PCDHGB3: variants seen among roughly 807,000 people sequenced by gnomAD.
PCDHGB3 encodes the protein protocadherin gamma-B3.
PCDHGB3 carries 40 observed loss-of-function variants against 59.2 expected under a neutral mutation model. That is an observed-to-expected ratio of 0.68 (90% CI 0.52 to 0.88). The LOEUF is 0.88. Ranked by LOEUF, PCDHGB3 falls within the 40% of genes least tolerant of loss-of-function variation. PCDHGB3 has a pLI of 0.00. For missense variants in PCDHGB3, 1,309 were observed against 1,187.9 expected, an observed-to-expected ratio of 1.10 and a Z score of -1.50; for synonymous variants, 581 against 503.6, an observed-to-expected ratio of 1.15 and a Z score of -2.06.
chr5:141,415,849 C>A (rs1453652151), intron 1 of PCDHGB3: 2 of 1,230,672 alleles, frequency 1.6e-6, no homozygotes, highest in Non-Finnish European at 2.1e-6. Flanking sequence ...CTTTGCAGAA[C>A]CTTGTAGTTT....
chr5:141,393,898 C>T lies in PCDHGB3; in HGVS notation c.2415+21089C>T, dbSNP rs182092307. On this transcript the variant is annotated intron_variant, in intron 1 of 3. Transcript: ENST00000576222. ...AGCCCAGTGTTAGAAAATTCTCTTC[C>T]CGGGACAGTAATTGCCTTCTTGAGT... The T allele has an allele frequency of 3.0e-5, 49 of 1,613,956 alleles. No individual in the cohort carries two copies. The African/African-American group carries it at 5.1e-4, about 17-fold the overall frequency.
intron 1 of PCDHGB3, chr5:141,383,358 G>C (rs773383689): frequency 8.7e-6 from 14 of 1,613,864 alleles, no homozygotes; most frequent in Middle Eastern, 1.6e-4. Context: ...TTCGGTTTCC[G>C]TTAAGCGAGG....
rs532490777 is a variant in PCDHGB3, at chr5:141,487,782, T to C, written c.2416-7025T>C. 7.2e-6 allele frequency: 11 copies of C among 1,525,744 alleles called. No homozygotes were observed. The South Asian group carries it at 1.2e-4, about 17-fold the overall frequency. The allele number at this position is 1,525,744 out of a possible 1,614,324, so 94.5% of individuals were successfully genotyped here. ...GACGCTGTGCTTTGTAACTGTTTCGTGAATTAACCAGAGTTGTCACAGTTT... is the reference window on the plus strand; with the variant it reads ...GACGCTGTGCTTTGTAACTGTTTCGCGAATTAACCAGAGTTGTCACAGTTT... On this transcript the variant is annotated intron_variant, in intron 1 of 3. Coordinates refer to ENST00000576222, the MANE Select transcript of PCDHGB3 (RefSeq NM_018924.5). This position sits in a 1 kb window ranked among gnomAD's most constrained non-coding sequence, Gnocchi z 5.0.
intron 1 of PCDHGB3, chr5:141,383,224 C>T: frequency 6.2e-7 from 1 of 1,613,968 alleles, no homozygotes; most frequent in South Asian, 1.1e-5. Flanking sequence ...CTTTAACATC[C>T]TGATGGAAGA....
chr5:141,476,551 C>G lies in PCDHGB3; in HGVS notation c.2416-18256C>G, dbSNP rs367700651. ...CCCAGGAAATGAAATTGGAGATTAG[C>G]GAGGCCGTGGCTCCGGGGACGCGCT... On this transcript the variant is annotated intron_variant, in intron 1 of 3. Transcript: ENST00000576222. The surrounding 1 kb of genome is among the most constrained non-coding windows in gnomAD (Gnocchi z 7.6). 128 of 1,614,078 alleles carry G rather than the reference C, an allele frequency of 7.9e-5. No homozygotes were observed. Among genetic ancestry groups the G allele is most frequent in the Non-Finnish European group, 1.0e-4 (122 of 1,180,034 alleles).
chr5:141,402,357 G>C (rs1486286220), intron 1 of PCDHGB3, among the ~76,000 whole-genome samples: 1 of 151,812 alleles, frequency 6.6e-6, no homozygotes, highest in Non-Finnish European at 1.5e-5. Flanking sequence ...AAAAATGAAT[G>C]TACTTCCAAA....
In PCDHGB3 at chr5:141,485,062, C is replaced by T. The variant is rs2099606141; in HGVS notation, c.2416-9745C>T. 2.3e-6 allele frequency: 2 copies of T among 876,222 alleles called. No individual in the cohort carries two copies. Among genetic ancestry groups the T allele is most frequent in the Non-Finnish European group, 3.6e-6 (2 of 552,684 alleles). 54.3% of individuals were successfully genotyped at this position (876,222 alleles called of 1,614,324 possible). ...CCTTGCGGCGCCGGCCGAACCGCGCCAGAGCTGGCGCGGGGAAAGGGAGAT... is the reference window on the plus strand; with the variant it reads ...CCTTGCGGCGCCGGCCGAACCGCGCTAGAGCTGGCGCGGGGAAAGGGAGAT... On this transcript the variant is annotated intron_variant, in intron 1 of 3. Coordinates refer to ENST00000576222, the MANE Select transcript of PCDHGB3 (RefSeq NM_018924.5). The surrounding 1 kb of genome is among the most constrained non-coding windows in gnomAD (Gnocchi z 5.7).
At chr5:141,465,880 TG>T (rs2154569018) in intron 1 of PCDHGB3, among the ~76,000 whole-genome samples, 1 of 152,096 alleles carries the variant, frequency 6.6e-6, no homozygotes, top group East Asian at 1.9e-4. Context: ...CCCAGCACTT[TG>T]GGAGGCCGAG....
At chr5:141,394,260 G>C in intron 1 of PCDHGB3, 1 of 1,613,920 alleles carries the variant, frequency 6.2e-7, no homozygotes, top group Non-Finnish European at 8.5e-7. Flanking sequence ...CGACAGCCAG[G>C]AGAATGCCCA....
Position 141,489,680 on chromosome 5 carries a change from C to T in PCDHGB3, c.2416-5127C>T, listed in dbSNP as rs758765306. On this transcript the variant is annotated intron_variant, in intron 1 of 3. Coordinates refer to ENST00000576222, the MANE Select transcript of PCDHGB3 (RefSeq NM_018924.5). This position sits in a 1 kb window ranked among gnomAD's most constrained non-coding sequence, Gnocchi z 4.5. ...GAGATGCGCATCTCAGAATCAGCAG[C>T]ATCTGGGGCACGATTCCCACTGGAC... 2 of 1,614,070 alleles carry T rather than the reference C, an allele frequency of 1.2e-6. No individual in the cohort carries two copies. The highest frequency in any genetic ancestry group is 2.2e-5 in the East Asian group (1 of 44,886).
intron 1 of PCDHGB3, among the ~76,000 whole-genome samples, chr5:141,484,627 A>G (rs866882607): frequency 5.3e-5 from 8 of 152,162 alleles, no homozygotes; most frequent in Middle Eastern, 3.4e-3. Flanking sequence ...TGGCTTGAAC[A>G]AAGTGACCAC....
chr5:141,459,699 A>G (rs2098973201), intron 1 of PCDHGB3, among the ~76,000 whole-genome samples: 1 of 152,218 alleles, frequency 6.6e-6, no homozygotes, highest in Non-Finnish European at 1.5e-5. Flanking sequence ...TCCGCTTGCT[A>G]CATTTTCTCA....
chr5:141,385,635 C>G (rs148433768), intron 1 of PCDHGB3: 13 of 870,194 alleles, frequency 1.5e-5, no homozygotes, highest in African/African-American at 1.8e-5. Context: ...TGAATCGAGT[C>G]TTTCATATTG....
At chr5:141,427,519 G>A (rs1428732557) in intron 1 of PCDHGB3, 1 of 602,000 alleles carries the variant, frequency 1.7e-6, no homozygotes, top group Non-Finnish European at 3.1e-6. Context: ...GATTGGGAGC[G>A]GATCCCGGAG....
chr5:141,399,221 T>C (rs564668507), intron 1 of PCDHGB3: 1 of 1,613,960 alleles, frequency 6.2e-7, no homozygotes, highest in Non-Finnish European at 8.5e-7. Flanking sequence ...ATTGCTTTGA[T>C]CAAAATACAT....
rs2093887845 is a variant in PCDHGB3, at chr5:141,399,791, C to T, written c.2415+26982C>T. ...TTGGTGGGCGACCGAAACGACAACG[C>T]ACCGCGGGTGCTGTACCCCGCGCTG... On this transcript the variant is annotated intron_variant, in intron 1 of 3. Transcript: ENST00000576222. 1.2e-6 allele frequency: 2 copies of T among 1,613,128 alleles called. No individual in the cohort carries two copies. Among genetic ancestry groups the T allele is most frequent in the Admixed American group, 1.7e-5 (1 of 59,984 alleles).
intron 3 of PCDHGB3, among the ~76,000 whole-genome samples, chr5:141,508,871 A>T (rs981330486): frequency 5.3e-5 from 8 of 152,062 alleles, no homozygotes; most frequent in East Asian, 3.9e-4. Flanking sequence ...AAGGCTGAAG[A>T]GGCTGACGGC....
In PCDHGB3 at chr5:141,494,832, G is replaced by A. The variant is rs758427900; in HGVS notation, c.2441G>A (p.Arg814His). The A allele has an allele frequency of 1.2e-6, 2 of 1,614,066 alleles. No homozygotes were observed. Among genetic ancestry groups the A allele is most frequent in the Non-Finnish European group, 1.7e-6 (2 of 1,179,994 alleles). The change falls in exon 2 of 4, where the codon CGT (arginine) becomes CAT (histidine). Residue 814 changes from arginine (R) to histidine (H), a missense_variant. Transcript: ENST00000576222. ...CAAGCCCCGCCCAACACGGACTGGC[G>A]TTTCTCTCAGGCCCAGAGACCCGGC... ...QKQAPPNTDW[R>H]FSQAQRPGTS...
chr5:141,476,597 G>C lies in PCDHGB3; in HGVS notation c.2416-18210G>C, dbSNP rs2099394582. On this transcript the variant is annotated intron_variant, in intron 1 of 3. Coordinates refer to ENST00000576222, the MANE Select transcript of PCDHGB3 (RefSeq NM_018924.5). The surrounding 1 kb of genome is among the most constrained non-coding windows in gnomAD (Gnocchi z 7.6). ...GCGCTTTCCGCTCGAGAGCGCGCAC[G>C]ATCCCGATGTGGGAAGCAACTCTTT... The C allele has an allele frequency of 1.2e-6, 2 of 1,614,112 alleles. No individual in the cohort carries two copies. The highest frequency in any genetic ancestry group is 1.7e-6 in the Non-Finnish European group (2 of 1,180,046).
Sources: allele counts gnomAD v4.1 joint callset (sites outside exome capture counted in the v4.1 genomes callset), GRCh38; gene constraint gnomAD v4.1.1; non-coding constraint Gnocchi (gnomAD v3.1); transcripts MANE v1.5; gene names NCBI Gene and HGNC (gene_info 2026-07-23, HGNC 2026-07-21).